CEP97: variants seen among roughly 807,000 people sequenced by gnomAD.
CEP97 encodes the protein centrosomal protein of 97 kDa.
In CEP97, 43 loss-of-function variants were observed where a neutral mutation model predicts 73.1. That is an observed-to-expected ratio of 0.59 (90% CI 0.46 to 0.76). The LOEUF (loss-of-function observed/expected upper bound fraction) is 0.76. Among genes scored for constraint, CEP97 ranks in the 30% least tolerant of loss-of-function variants. The pLI is 0.00. For missense variants in CEP97, 939 were observed against 1,014.0 expected, an observed-to-expected ratio of 0.93 and a Z score of 1.00; for synonymous variants, 337 against 370.0, an observed-to-expected ratio of 0.91 and a Z score of 1.02.
At position 101,728,870 on chromosome 3, in the gene CEP97, A is replaced by G. The variant is rs768480931; in HGVS notation, c.380A>G (p.Gln127Arg). Reference sequence around the variant, plus strand: ...CAGATCAATAGCTGCACAGCTCTACAGCATCTCGATTTATCAGACAATAAT... The same window carrying G: ...CAGATCAATAGCTGCACAGCTCTACGGCATCTCGATTTATCAGACAATAAT... ...MEQINSCTAL[Q>R]HLDLSDNNIS... Residue 127 changes from glutamine (Q) to arginine (R), a missense_variant, in exon 4 of 11, where the codon CAG becomes CGG. Physicochemically the swap from Gln to Arg is conservative, Grantham distance 43. Transcript: ENST00000341893. The G allele has an allele frequency of 1.1e-5, 17 of 1,609,010 alleles. No individual in the cohort carries two copies. In the East Asian group the frequency reaches 3.3e-4, roughly 32 times the overall value.
At chr3:101,730,602 A>G (rs1938079054) in intron 4 of CEP97, among the ~76,000 whole-genome samples, 1 of 150,254 alleles carries the variant, frequency 6.7e-6, no homozygotes, top group Non-Finnish European at 1.5e-5. Context: ...GACATTCAGA[A>G]TTGCTGTTTT....
Position 101,743,006 on chromosome 3 carries a change from G to A in CEP97, c.728+10352G>A, listed in dbSNP as rs547441169. Among the ~76,000 whole-genome samples, 11 of 152,266 alleles carry A rather than the reference G, an allele frequency of 7.2e-5. No homozygotes were observed. The East Asian group carries it at 1.7e-3, about 24-fold the overall frequency. On this transcript the variant is annotated intron_variant, in intron 6 of 10. Transcript: ENST00000341893. ...ACACTTGTAGTCCCATTACTTGGGA[G>A]GCCAAGGTGGGTGGATTGCTTGAGC... is the stretch of plus-strand genomic sequence containing the variant.
intron 2 of CEP97, 124 bp from the exon 3 acceptor site, chr3:101,727,259 G>T (rs1431846598): frequency 4.8e-5 from 34 of 708,564 alleles, no homozygotes; most frequent in Non-Finnish European, 2.5e-5. Context: ...CAATATATGT[G>T]AAATGTACAA....
intron 6 of CEP97, among the ~76,000 whole-genome samples, chr3:101,747,698 A>AT (rs11445807): frequency 0.6 from 85,650 of 143,072 alleles, 25,919 homozygotes; most frequent in Non-Finnish European, 0.68. Flanking sequence ...CTGGTATTAC[A>AT]TTTTTTTTTT....
Position 101,757,647 on chromosome 3 carries a change from A to G in CEP97, c.1041A>G (p.Gln347=), listed in dbSNP as rs1939047113. Residue 347 remains glutamine, a synonymous_variant, in exon 9 of 11, where the codon CAA becomes CAG. Coordinates refer to ENST00000341893, the MANE Select transcript of CEP97 (RefSeq NM_024548.4). ...TGATTCTTCTAGAACCCGTCATTCA[A>G]GTGAATTCTTGGGTTGGGATAAACA... ...QISQESEPVI[Q]VNSWVGINSN... is the part of the protein sequence containing the mutation. 1 of 1,612,586 alleles carries G rather than the reference A, an allele frequency of 6.2e-7. No individual in the cohort carries two copies. The highest frequency in any genetic ancestry group is 8.5e-7 in the Non-Finnish European group (1 of 1,178,734).
Position 101,757,208 on chromosome 3 carries a change from ATT to A in CEP97, c.1027+14_1027+15del. On this transcript the variant is annotated intron_variant, in intron 8 of 10. Coordinates refer to ENST00000341893, the MANE Select transcript of CEP97 (RefSeq NM_024548.4). ...ATCCCAGGAAAGTGGTAAGAAATGA[ATT>A]TATCTCTGATCCCTTTTCTCCAAGT... 1 of 1,596,152 alleles carries A rather than the reference ATT, an allele frequency of 6.3e-7. No individual in the cohort carries two copies. The highest frequency in any genetic ancestry group is 8.5e-7 in the Non-Finnish European group (1 of 1,174,652).
chr3:101,735,532 G>A (rs1938247828), intron 6 of CEP97, among the ~76,000 whole-genome samples: 2 of 152,202 alleles, frequency 1.3e-5, no homozygotes, highest in African/African-American at 4.8e-5. Context: ...GACAGTGGGT[G>A]CAGCCCACAG....
Position 101,729,227 on chromosome 3 carries a change from C to A in CEP97, c.447+290C>A, listed in dbSNP as rs540253300. Among the ~76,000 whole-genome samples the A allele has an allele frequency of 5.3e-5, 8 of 151,994 alleles. No individual in the cohort carries two copies. The East Asian group carries it at 1.6e-3, about 30-fold the overall frequency. ...GGGCATAGTGGTGCGAGCCTGTAGT[C>A]CCAGCTACTCAGCTAAAGCAGGATT... On this transcript the variant is annotated intron_variant, in intron 4 of 10. Transcript: ENST00000341893.
rs935697819 is a variant in CEP97, at chr3:101,769,195, T to C, written c.*3644T>C. 4 of 152,172 alleles carry C rather than the reference T, an allele frequency of 2.6e-5. No homozygotes were observed. Among genetic ancestry groups the C allele is most frequent in the African/African-American group, 7.2e-5 (3 of 41,436 alleles). 9.4% of individuals were successfully genotyped at this position (152,172 alleles called of 1,614,324 possible). ...ATTTTTTGTGTGCAAAGTCTTAGAATTGGATTTATAACATTGATAATAAAA... is the reference window on the plus strand; with the variant it reads ...ATTTTTTGTGTGCAAAGTCTTAGAACTGGATTTATAACATTGATAATAAAA... On this transcript the variant is annotated 3_prime_UTR_variant, in exon 11 of 11. Transcript: ENST00000341893.
rs142231534 is a variant in CEP97, at chr3:101,738,340, C to T, written c.728+5686C>T. Reference sequence around the variant, plus strand: ...GACTTGACGTCAGCTCTGGACCAAGCAGACCTAATAGATATCTACAGAACT... The same window carrying T: ...GACTTGACGTCAGCTCTGGACCAAGTAGACCTAATAGATATCTACAGAACT... On this transcript the variant is annotated intron_variant, in intron 6 of 10. Transcript: ENST00000341893. Among the ~76,000 whole-genome samples the T allele has an allele frequency of 2.6e-3, 391 of 152,284 alleles. 1 individual carries two copies. The highest frequency in any genetic ancestry group is 8.9e-3 in the African/African-American group (369 of 41,566).
Position 101,767,433 on chromosome 3 carries a change from G to A in CEP97, c.*1882G>A, listed in dbSNP as rs1939347130. On this transcript the variant is annotated 3_prime_UTR_variant, in exon 11 of 11. Transcript: ENST00000341893. ...TTTAAAGTTAAGTGCCTCACTTGCT[G>A]TCCATAGTTAGACAAAGAAAAACCA... 6 of 152,100 alleles carry A rather than the reference G, an allele frequency of 3.9e-5. No individual in the cohort carries two copies. 9.4% of individuals were successfully genotyped at this position (152,100 alleles called of 1,614,324 possible). A position where few individuals can be genotyped will look rare whatever the true frequency, so the allele number is the denominator to read the frequency against.
chr3:101,769,978 T>C lies in CEP97; in HGVS notation c.*4427T>C, dbSNP rs1447791329. On this transcript the variant is annotated 3_prime_UTR_variant, in exon 11 of 11. Coordinates refer to ENST00000341893, the MANE Select transcript of CEP97 (RefSeq NM_024548.4). ...ACTGAATTTTAATTCTTATTTATTT[T>C]AGTGGATAGCAGGAATCACTCTGTA... is the stretch of plus-strand genomic sequence containing the variant. 1.3e-5 allele frequency: 2 copies of C among 152,224 alleles called. No homozygotes were observed. The highest frequency in any genetic ancestry group is 4.8e-5 in the African/African-American group (2 of 41,458). 9.4% of individuals were successfully genotyped at this position (152,224 alleles called of 1,614,324 possible). A position where few individuals can be genotyped will look rare whatever the true frequency, so the allele number is the denominator to read the frequency against.
At chr3:101,749,330 T>G (rs1258320564) in intron 6 of CEP97, among the ~76,000 whole-genome samples, 1 of 150,386 alleles carries the variant, frequency 6.6e-6, no homozygotes, top group Non-Finnish European at 1.5e-5. Flanking sequence ...GAACTCATCA[T>G]TTTTTATGGC....
intron 7 of CEP97, among the ~76,000 whole-genome samples, chr3:101,755,855 G>A (rs62284198): frequency 0.37 from 55,484 of 151,862 alleles, 10,632 homozygotes; most frequent in African/African-American, 0.45. Flanking sequence ...CAGCAGTGCA[G>A]TCATAGGTCA....
chr3:101,732,411 AAG>A, intron 5 of CEP97, 75 bp from the exon 6 acceptor site: 1 of 964,968 alleles, frequency 1.0e-6, no homozygotes, highest in East Asian at 2.4e-5. Context: ...AATGCTGCCA[AAG>A]ATATGTAATC....
At position 101,767,770 on chromosome 3, in the gene CEP97, A is replaced by T. The variant is rs1939354310; in HGVS notation, c.*2219A>T. ...GTCTGTGTTTTATTTAACTTTTACT[A>T]GTGTTTAGAAGTGCAAGAATATTAA... On this transcript the variant is annotated 3_prime_UTR_variant, in exon 11 of 11. Transcript: ENST00000341893. The T allele has an allele frequency of 1.3e-5, 2 of 152,182 alleles. No individual in the cohort carries two copies. The highest frequency in any genetic ancestry group is 4.1e-4 in the South Asian group (2 of 4,830). The allele number at this position is 152,182 out of a possible 1,614,324, so 9.4% of individuals were successfully genotyped here. A position where few individuals can be genotyped will look rare whatever the true frequency, so the allele number is the denominator to read the frequency against.
chr3:101,751,356 G>A (rs928053064), intron 6 of CEP97, among the ~76,000 whole-genome samples: 27 of 152,166 alleles, frequency 1.8e-4, no homozygotes, highest in Admixed American at 5.2e-4. Context: ...TTTGGAATAG[G>A]TGTGGTGTGG....
At position 101,765,733 on chromosome 3, in the gene CEP97, G is replaced by T; in HGVS notation, c.*182G>T. 1 of 574,344 alleles carries T rather than the reference G, an allele frequency of 1.7e-6. No homozygotes were observed. The highest frequency in any genetic ancestry group is 3.5e-5 in the Admixed American group (1 of 28,410). The allele number at this position is 574,344 out of a possible 1,614,324, so 35.6% of individuals were successfully genotyped here. On this transcript the variant is annotated 3_prime_UTR_variant, in exon 11 of 11. Transcript: ENST00000341893. ...TGAGCTGAGTTTTCATTTTGATTTTGTTAGCTTTTTACTTAGCTGTAAGGT... is the reference window on the plus strand; with the variant it reads ...TGAGCTGAGTTTTCATTTTGATTTTTTTAGCTTTTTACTTAGCTGTAAGGT...
At chr3:101,736,374 T>C (rs1938275362) in intron 6 of CEP97, among the ~76,000 whole-genome samples, 1 of 152,204 alleles carries the variant, frequency 6.6e-6, no homozygotes, top group South Asian at 2.1e-4. Context: ...TCTCCTCAAG[T>C]GGGTCCCTGA....
Sources: gnomAD v4.1 joint callset for allele counts (sites outside exome capture counted in the v4.1 genomes callset) on GRCh38, gnomAD v4.1.1 for gene constraint, MANE v1.5 for transcripts, NCBI Gene and HGNC (gene_info 2026-07-23, HGNC 2026-07-21) for gene names.